Variants in PLD5 observed in about 807,000 individuals in gnomAD.
PLD5 encodes inactive phospholipase D5.
A neutral mutation model predicts 61.1 loss-of-function variants in PLD5; 36 were observed. The observed-to-expected ratio is 0.59, with a 90% CI of 0.45 to 0.78. PLD5 has a LOEUF of 0.78. PLD5 is among the 30% of genes least tolerant of loss of function. The pLI is 0.00. For missense variants in PLD5, 515 were observed against 644.4 expected (o/e 0.80, Z 2.17); for synonymous variants, 243 against 242.8 (o/e 1.00, Z -0.01).
intron 4 of PLD5, among the ~76,000 whole-genome samples, chr1:242,251,529 A>G (rs1398690928): frequency 6.6e-6 from 1 of 152,144 alleles, no homozygotes; most frequent in Non-Finnish European, 1.5e-5. Context: ...GGACTTTGAC[A>G]AGGTAGTTTC....
At chr1:242,096,769 G>A in intron 9 of PLD5, among the ~76,000 whole-genome samples, 1 of 146,982 alleles carries the variant, frequency 6.8e-6, no homozygotes, top group East Asian at 2.0e-4. Context: ...TATATTTTAA[G>A]TTTTAGGGTA....
chr1:242,426,309 T>TAAAAAAAAAAAAAAA (rs56996310), intron 1 of PLD5, among the ~76,000 whole-genome samples: 1 of 120,062 alleles, frequency 8.3e-6, no homozygotes. Context: ...CGTTTCCAGT[T>TAAAAAAAAAAAAAAA]AAAAAAAAAA....
At chr1:242,100,331 G>T (rs896198927) in intron 9 of PLD5, among the ~76,000 whole-genome samples, 2 of 152,158 alleles carry the variant, frequency 1.3e-5, no homozygotes, top group Non-Finnish European at 2.9e-5. Flanking sequence ...TGTGGGCAGG[G>T]GGATGACACT....
intron 2 of PLD5, among the ~76,000 whole-genome samples, chr1:242,299,621 C>T (rs969144889): frequency 6.6e-6 from 1 of 152,214 alleles, no homozygotes; most frequent in Non-Finnish European, 1.5e-5. Flanking sequence ...GTGTTTTTCC[C>T]CCCAAGTCAT....
intron 4 of PLD5, among the ~76,000 whole-genome samples, chr1:242,258,677 C>T (rs1673217183): frequency 6.6e-6 from 1 of 152,174 alleles, no homozygotes; most frequent in Non-Finnish European, 1.5e-5. Context: ...GGAAAGAATA[C>T]AAGATCTGGT....
intron 1 of PLD5, among the ~76,000 whole-genome samples, chr1:242,355,097 T>C (rs1160673625): frequency 6.6e-6 from 1 of 152,152 alleles, no homozygotes; most frequent in African/African-American, 2.4e-5. Flanking sequence ...ACTTGTGATG[T>C]CCTTGTCTGG....
chr1:242,396,667 T>C (rs1429467562), intron 1 of PLD5, among the ~76,000 whole-genome samples: 3 of 116,346 alleles, frequency 2.6e-5, no homozygotes, highest in African/African-American at 3.4e-5. Flanking sequence ...TTCTTTCTTT[T>C]CTTTTCTTTT....
chr1:242,196,814 T>A (rs552283865), intron 5 of PLD5, among the ~76,000 whole-genome samples: 39 of 152,322 alleles, frequency 2.6e-4, no homozygotes, highest in African/African-American at 8.4e-4. Flanking sequence ...CTGTGTTTGG[T>A]GTGTATCTTT....
At chr1:242,301,888 C>T (rs1222769661) in intron 2 of PLD5, among the ~76,000 whole-genome samples, 1 of 151,930 alleles carries the variant, frequency 6.6e-6, no homozygotes, top group African/African-American at 2.4e-5. Context: ...AGCAACTCAC[C>T]TGCTTCAGCC....
At chr1:242,520,379 C>T (rs1391355670) in intron 1 of PLD5, among the ~76,000 whole-genome samples, 1 of 152,180 alleles carries the variant, frequency 6.6e-6, no homozygotes, top group Non-Finnish European at 1.5e-5. Context: ...TCCTGCACTA[C>T]AGACATGGAT....
At chr1:242,224,944 C>G (rs528094189) in intron 4 of PLD5, among the ~76,000 whole-genome samples, 1 of 152,252 alleles carries the variant, frequency 6.6e-6, no homozygotes, top group African/African-American at 2.4e-5. Flanking sequence ...GTCATCGTCC[C>G]CAGGCTTCTT....
At chr1:242,379,225 G>C (rs1335449651) in intron 1 of PLD5, among the ~76,000 whole-genome samples, 2 of 152,138 alleles carry the variant, frequency 1.3e-5, no homozygotes, top group Admixed American at 6.5e-5. Flanking sequence ...CCCACATTCA[G>C]AGACTTGCGT....
At chr1:242,428,049 C>T (rs1665525867) in intron 1 of PLD5, among the ~76,000 whole-genome samples, 1 of 152,144 alleles carries the variant, frequency 6.6e-6, no homozygotes, top group African/African-American at 2.4e-5. Flanking sequence ...AGAGAATTTC[C>T]AGAAACTTCC....
intron 1 of PLD5, among the ~76,000 whole-genome samples, chr1:242,380,632 AT>A (rs779645713): frequency 3.8e-4 from 57 of 150,240 alleles, no homozygotes; most frequent in Admixed American, 6.7e-4. Flanking sequence ...ATGGAAGAAA[AT>A]TTTTGTAATC....
At chr1:242,364,748 G>T (rs1333932647) in intron 1 of PLD5, among the ~76,000 whole-genome samples, 1 of 152,024 alleles carries the variant, frequency 6.6e-6, no homozygotes, top group East Asian at 1.9e-4. Flanking sequence ...GAAAAGAAGA[G>T]AAGAGAAGAG....
intron 5 of PLD5, among the ~76,000 whole-genome samples, chr1:242,194,370 A>C (rs1477206447): frequency 6.6e-6 from 1 of 152,168 alleles, no homozygotes; most frequent in African/African-American, 2.4e-5. Context: ...GAGATTCCTT[A>C]AAGAACTAAA....
chr1:242,520,681 C>T (rs920064620), intron 1 of PLD5, among the ~76,000 whole-genome samples: 11 of 152,156 alleles, frequency 7.2e-5, no homozygotes, highest in Non-Finnish European at 1.3e-4. Context: ...TGCATCTCTT[C>T]CCCTTTAAAA....
chr1:242,178,938 C>T (rs1292945334), intron 5 of PLD5, among the ~76,000 whole-genome samples: 1 of 152,178 alleles, frequency 6.6e-6, no homozygotes, highest in East Asian at 1.9e-4. Context: ...TTCAACACTG[C>T]AGTGTATCCA....
At chr1:242,124,779 G>A (rs530417017) in intron 5 of PLD5, 114 bp from the exon 6 acceptor site, 47 of 789,924 alleles carry the variant, frequency 5.9e-5, no homozygotes, top group Non-Finnish European at 8.6e-5. Flanking sequence ...TCTTGCATTT[G>A]AAGTAAGTAG....
Sources: allele counts gnomAD v4.1 joint callset (sites outside exome capture counted in the v4.1 genomes callset), GRCh38; gene constraint gnomAD v4.1.1; transcripts MANE v1.5; gene names NCBI Gene and HGNC (gene_info 2026-07-23, HGNC 2026-07-21).